The following MEF2A variants were observed in gnomAD, a reference collection of about 807,000 sequenced individuals.
MEF2A encodes the protein myocyte enhancer factor 2A.
Under a neutral mutation model 55.8 loss-of-function variants are expected in MEF2A, and 28 were observed. The observed-to-expected ratio is 0.50, with a 90% CI of 0.37 to 0.69. The LOEUF (loss-of-function observed/expected upper bound fraction) is 0.69. Among genes scored for constraint, MEF2A ranks in the 30% least tolerant of loss-of-function variants. The probability of loss-of-function intolerance (pLI) is 0.00; values close to 1 mark genes in which losing one functional copy is unlikely to be tolerated. For synonymous variants in MEF2A, 239 were observed against 227.1 expected (o/e 1.05, Z -0.47); for missense variants, 528 against 626.2 (o/e 0.84, Z 1.67).
chr15:99,601,825 GT>G (rs2153078820), intron 2 of MEF2A, among the ~76,000 whole-genome samples: 1 of 63,866 alleles, frequency 1.6e-5, no homozygotes, highest in Non-Finnish European at 4.5e-5. Context: ...GTGTGTGTGT[GT>G]GTGTGTGTGT....
chr15:99,571,101 T>G (rs1596183752), intron 1 of MEF2A, among the ~76,000 whole-genome samples: 1 of 151,844 alleles, frequency 6.6e-6, no homozygotes, highest in Admixed American at 6.6e-5. Context: ...CGAGAATCGC[T>G]TGAACCCAGG....
chr15:99,665,804 G>A (rs1001898213), intron 4 of MEF2A, among the ~76,000 whole-genome samples: 58 of 127,378 alleles, frequency 4.6e-4, no homozygotes, highest in African/African-American at 1.6e-3. Flanking sequence ...CTCAAAAGAA[G>A]ACATTTATGC....
intron 7 of MEF2A, among the ~76,000 whole-genome samples, chr15:99,683,345 G>A (rs1309307453): frequency 6.6e-6 from 1 of 152,156 alleles, no homozygotes; most frequent in Non-Finnish European, 1.5e-5. Context: ...CGTTTTGGAG[G>A]AAACAAGAGG....
intron 2 of MEF2A, among the ~76,000 whole-genome samples, chr15:99,618,277 A>T (rs2040538141): frequency 6.6e-6 from 1 of 152,206 alleles, no homozygotes; most frequent in South Asian, 2.1e-4. Context: ...ACTGAGGAAT[A>T]TTCTGTATAA....
chr15:99,657,909 T>C (rs1369916890), intron 4 of MEF2A, among the ~76,000 whole-genome samples: 1 of 152,184 alleles, frequency 6.6e-6, no homozygotes, highest in East Asian at 1.9e-4. Context: ...TTCCAAGTCA[T>C]ATAATACCAG....
At chr15:99,617,646 A>T (rs1278503503) in intron 2 of MEF2A, among the ~76,000 whole-genome samples, 1 of 152,186 alleles carries the variant, frequency 6.6e-6, no homozygotes, top group Admixed American at 6.5e-5. Flanking sequence ...GAAGTACAGT[A>T]GGGTGGTTCC....
At position 99,674,411 on chromosome 15, in the gene MEF2A, A is replaced by G. The variant is rs2153643619; in HGVS notation, c.409A>G (p.Asn137Asp). 6.2e-7 allele frequency: 1 copy of G among 1,610,504 alleles called. No homozygotes were observed. The highest frequency in any genetic ancestry group is 2.2e-5 in the East Asian group (1 of 44,804). ...KRGPPGLPPQ[N>D]FSMSVTVPVT... ...TTTACAGCCTGGTCTGCCACCTCAG[A>G]ACTTTTCAATGTCTGTCACAGTTCC... Residue 137 changes from asparagine to aspartate, a missense_variant, in exon 6 of 12, where the codon AAC becomes GAC. By Grantham distance (23) the Asn-to-Asp change is conservative. Transcript: ENST00000557942.
In MEF2A at chr15:99,645,770, A is replaced by C. The variant is rs1440262714; in HGVS notation, c.258+6A>C. ...CCAACTCGGATATTGTTGAGGTAACACATATCTAGTAATACGTGAATTGCA... is the reference window on the plus strand; with the variant it reads ...CCAACTCGGATATTGTTGAGGTAACCCATATCTAGTAATACGTGAATTGCA... On this transcript the variant is annotated splice_donor_region_variant and intron_variant, in intron 4 of 11. Coordinates refer to ENST00000557942, the MANE Select transcript of MEF2A (RefSeq NM_001319206.4). 1 of 1,572,530 alleles carries C rather than the reference A, an allele frequency of 6.4e-7. No homozygotes were observed. The highest frequency in any genetic ancestry group is 1.4e-5 in the African/African-American group (1 of 74,046).
At chr15:99,607,173 GCAA>G (rs1192521519) in intron 2 of MEF2A, among the ~76,000 whole-genome samples, 18 of 152,104 alleles carry the variant, frequency 1.2e-4, no homozygotes, top group Admixed American at 1.2e-3. Flanking sequence ...ATGAATAACA[GCAA>G]CAACAACCAC....
intron 2 of MEF2A, among the ~76,000 whole-genome samples, chr15:99,632,528 A>T (rs1242738542): frequency 6.6e-6 from 1 of 152,196 alleles, no homozygotes; most frequent in African/African-American, 2.4e-5. Context: ...CCCTGAGTTT[A>T]TAACCCCAAG....
chr15:99,636,916 G>A (rs149814473), intron 3 of MEF2A, among the ~76,000 whole-genome samples: 6 of 152,114 alleles, frequency 3.9e-5, no homozygotes, highest in African/African-American at 1.4e-4. Context: ...ATATTTAGTT[G>A]TCCCAGTACA....
intron 2 of MEF2A, among the ~76,000 whole-genome samples, chr15:99,620,222 A>T (rs2040903474): frequency 6.6e-6 from 1 of 152,164 alleles, no homozygotes; most frequent in Admixed American, 6.5e-5. Context: ...GTTCAGGGGT[A>T]TGTGTGTATG....
At chr15:99,597,823 C>T (rs1325345960) in intron 1 of MEF2A, among the ~76,000 whole-genome samples, 8 of 152,096 alleles carry the variant, frequency 5.3e-5, no homozygotes, top group African/African-American at 1.2e-4. Flanking sequence ...GCAGATTCCC[C>T]GATAACTAGT....
chr15:99,602,652 GGGTGTGT>G (rs1973511722), intron 2 of MEF2A, among the ~76,000 whole-genome samples: 1 of 121,592 alleles, frequency 8.2e-6, no homozygotes, highest in Non-Finnish European at 1.7e-5. Context: ...GACATTCCTG[GGGTGTGT>G]GTGTGTGTGT....
chr15:99,598,958 A>C (rs1261785701), intron 2 of MEF2A, among the ~76,000 whole-genome samples: 1 of 152,158 alleles, frequency 6.6e-6, no homozygotes, highest in Non-Finnish European at 1.5e-5. Flanking sequence ...GGAAAGGTCA[A>C]ATAGAAAAAG....
chr15:99,699,775 G>C (rs566702360), intron 8 of MEF2A, among the ~76,000 whole-genome samples: 1 of 152,118 alleles, frequency 6.6e-6, no homozygotes, highest in South Asian at 2.1e-4. Flanking sequence ...CAAACACAAA[G>C]GGTTGAACAT....
chr15:99,593,975 T>C (rs954515642), intron 1 of MEF2A, among the ~76,000 whole-genome samples: 2 of 152,208 alleles, frequency 1.3e-5, no homozygotes, highest in Admixed American at 1.3e-4. Context: ...CACCACAGGA[T>C]ACGTTGCCTT....
At chr15:99,574,531 A>G (rs1336597412) in intron 1 of MEF2A, among the ~76,000 whole-genome samples, 2 of 152,218 alleles carry the variant, frequency 1.3e-5, no homozygotes, top group Non-Finnish European at 2.9e-5. Context: ...GATGGGAGAC[A>G]GTGACTGATG....
At chr15:99,683,469 C>T (rs1305365741) in intron 7 of MEF2A, among the ~76,000 whole-genome samples, 2 of 152,138 alleles carry the variant, frequency 1.3e-5, no homozygotes, top group South Asian at 2.1e-4. Flanking sequence ...TACAGTGGCA[C>T]GATCTCGGCT....
Sources: gnomAD v4.1 joint callset for allele counts (sites outside exome capture counted in the v4.1 genomes callset) on GRCh38, gnomAD v4.1.1 for gene constraint, MANE v1.5 for transcripts, NCBI Gene and HGNC (gene_info 2026-07-23, HGNC 2026-07-21) for gene names.